DDX10: variants seen among roughly 807,000 people sequenced by gnomAD.
DDX10 encodes the protein DEAD-box helicase 10.
DDX10 carries 74 observed loss-of-function variants against 104.3 expected under a neutral mutation model. That is an observed-to-expected ratio of 0.71 (90% CI 0.59 to 0.86). The LOEUF (loss-of-function observed/expected upper bound fraction) is 0.86, where lower values mean the gene tolerates loss of function less well. Among genes scored for constraint, DDX10 ranks in the 40% least tolerant of loss-of-function variants. The pLI is 0.00. For synonymous variants in DDX10, 351 were observed against 353.4 expected (o/e 0.99, Z 0.08); for missense variants, 952 against 1,040.0 (o/e 0.92, Z 1.16).
At chr11:108,788,396 C>T (rs1226134641) in intron 13 of DDX10, among the ~76,000 whole-genome samples, 2 of 151,358 alleles carry the variant, frequency 1.3e-5, no homozygotes, top group African/African-American at 4.9e-5. Flanking sequence ...GAGTTTTGCT[C>T]TTGCTCCCTA....
At chr11:108,672,284 CCTT>C (rs1257364041) in intron 1 of DDX10, among the ~76,000 whole-genome samples, 2 of 152,212 alleles carry the variant, frequency 1.3e-5, no homozygotes, top group South Asian at 4.2e-4. Flanking sequence ...CAGCCTGCCT[CCTT>C]CTGTAGGCAT....
intron 13 of DDX10, among the ~76,000 whole-genome samples, chr11:108,829,994 G>A (rs2134585511): frequency 6.6e-6 from 1 of 152,284 alleles, no homozygotes; most frequent in Middle Eastern, 3.4e-3. Flanking sequence ...GTTGGATAAT[G>A]TGATGCCTCC....
intron 12 of DDX10, among the ~76,000 whole-genome samples, chr11:108,721,969 C>T (rs2094298906): frequency 6.6e-6 from 1 of 152,188 alleles, no homozygotes; most frequent in Non-Finnish European, 1.5e-5. Flanking sequence ...ATCAAGTTCT[C>T]ATTAGTTCCC....
At chr11:108,829,760 A>G (rs1862443997) in intron 13 of DDX10, among the ~76,000 whole-genome samples, 1 of 152,184 alleles carries the variant, frequency 6.6e-6, no homozygotes. Flanking sequence ...ATTTTTGTGT[A>G]AGGTGAGAGA....
At chr11:108,799,625 C>G (rs1427880019) in intron 13 of DDX10, among the ~76,000 whole-genome samples, 1 of 152,166 alleles carries the variant, frequency 6.6e-6, no homozygotes, top group African/African-American at 2.4e-5. Context: ...TGTTCATTTT[C>G]TTGCAGACTT....
intron 13 of DDX10, among the ~76,000 whole-genome samples, chr11:108,800,285 A>G (rs1426551258): frequency 1.3e-5 from 2 of 150,264 alleles, no homozygotes; most frequent in Non-Finnish European, 3.0e-5. Flanking sequence ...CAAAAAAAAA[A>G]AAAAAAAAAA....
intron 10 of DDX10, among the ~76,000 whole-genome samples, chr11:108,712,500 A>G (rs2094285752): frequency 2.0e-5 from 3 of 151,782 alleles, no homozygotes; most frequent in African/African-American, 7.3e-5. Context: ...TTTGCAAGTA[A>G]TCCAAAGCCC....
In DDX10 at chr11:108,912,598, C is replaced by A. The variant is rs574640379; in HGVS notation, c.2305-5275C>A. Among the ~76,000 whole-genome samples, 3 of 152,312 alleles carry A rather than the reference C, an allele frequency of 2.0e-5. No homozygotes were observed. In the South Asian group the frequency reaches 6.2e-4, roughly 32 times the overall value. On this transcript the variant is annotated intron_variant, in intron 16 of 17. Coordinates refer to ENST00000322536, the MANE Select transcript of DDX10 (RefSeq NM_004398.4). The stretch of plus-strand genomic sequence containing the variant: ...TGAGTTTCCAGCCATGGTGTCCTAA[C>A]ACACTGACATAACTGGGAACGGTGT...
At chr11:108,707,754 T>C (rs1025039507) in intron 10 of DDX10, among the ~76,000 whole-genome samples, 2 of 152,182 alleles carry the variant, frequency 1.3e-5, no homozygotes, top group Non-Finnish European at 2.9e-5. Context: ...TTTCATTCCC[T>C]TAATAAAAAT....
intron 13 of DDX10, among the ~76,000 whole-genome samples, chr11:108,762,242 A>G (rs1246791853): frequency 6.6e-6 from 1 of 152,176 alleles, no homozygotes; most frequent in African/African-American, 2.4e-5. Context: ...TGAGGCAGAA[A>G]TAGATAAGCG....
chr11:108,920,572 A>C (rs1863810347), intron 17 of DDX10: 1 of 152,206 alleles, frequency 6.6e-6, no homozygotes, highest in African/African-American at 2.4e-5. Context: ...GGCTAAAATA[A>C]CTTGTCTGTG....
intron 13 of DDX10, among the ~76,000 whole-genome samples, chr11:108,831,667 A>G (rs1862473420): frequency 6.6e-6 from 1 of 151,958 alleles, no homozygotes; most frequent in Non-Finnish European, 1.5e-5. Context: ...TTTTCCTGTG[A>G]TTTTTGCTTT....
At chr11:108,714,740 C>T (rs1285221879) in intron 10 of DDX10, among the ~76,000 whole-genome samples, 2 of 142,334 alleles carry the variant, frequency 1.4e-5, no homozygotes, top group Non-Finnish European at 2.9e-5. Context: ...TGGGATCCAT[C>T]AGAATCTTAC....
At position 108,710,199 on chromosome 11, in the gene DDX10, GA is replaced by G. The variant is rs142670247; in HGVS notation, c.1322+3364del. Among the ~76,000 whole-genome samples the G allele has an allele frequency of 9.8e-3, 1,488 of 152,306 alleles. 19 individuals are homozygous for G. Among genetic ancestry groups the G allele is most frequent in the African/African-American group, 0.034 (1,426 of 41,550 alleles). The stretch of plus-strand genomic sequence containing the variant: ...GTGTCAGTGAGTGGTGCATGAATGT[GA>G]AGAGTTAGCACATTACTGTATACAA... On this transcript the variant is annotated intron_variant, in intron 10 of 17. Coordinates refer to ENST00000322536, the MANE Select transcript of DDX10 (RefSeq NM_004398.4).
chr11:108,898,275 C>T (rs536776908), intron 16 of DDX10, among the ~76,000 whole-genome samples: 10 of 152,104 alleles, frequency 6.6e-5, no homozygotes, highest in African/African-American at 9.6e-5. Context: ...GACAAAAGCC[C>T]GCTATGGATG....
At chr11:108,939,199 C>T (rs1565324790) in intron 17 of DDX10, among the ~76,000 whole-genome samples, 1 of 152,124 alleles carries the variant, frequency 6.6e-6, no homozygotes, top group Non-Finnish European at 1.5e-5. Context: ...GATGTCAAAC[C>T]AGTGCTCTTT....
chr11:108,851,975 C>T (rs1402121568), intron 15 of DDX10, among the ~76,000 whole-genome samples, 178 bp from the exon 16 acceptor site: 1 of 152,192 alleles, frequency 6.6e-6, no homozygotes, highest in African/African-American at 2.4e-5. Context: ...ATCTGTCTGA[C>T]ACATTCTTAA....
chr11:108,708,506 GTAAATGGTAT>G lies in DDX10; in HGVS notation c.1322+1671_1322+1680del, dbSNP rs1465681233. On this transcript the variant is annotated intron_variant, in intron 10 of 17. Coordinates refer to ENST00000322536, the MANE Select transcript of DDX10 (RefSeq NM_004398.4). ...TTTCATTTTTGGGAGTGCTAATAATGTAAATGGTATTGTTTTTAGTTTCAAATTCCATTTA... is the reference window on the plus strand; with the variant it reads ...TTTCATTTTTGGGAGTGCTAATAATGTGTTTTTAGTTTCAAATTCCATTTA... Among the ~76,000 whole-genome samples, 4 of 151,536 alleles carry G rather than the reference GTAAATGGTAT, an allele frequency of 2.6e-5. No homozygotes were observed. In the East Asian group the frequency reaches 7.7e-4, roughly 29 times the overall value.
At chr11:108,892,315 C>G (rs1213198491) in intron 16 of DDX10, among the ~76,000 whole-genome samples, 1 of 152,156 alleles carries the variant, frequency 6.6e-6, no homozygotes, top group Non-Finnish European at 1.5e-5. Context: ...CATGTAATCT[C>G]TGCACAAGCT....
Sources: gnomAD v4.1 joint callset for allele counts (sites outside exome capture counted in the v4.1 genomes callset) on GRCh38, gnomAD v4.1.1 for gene constraint, MANE v1.5 for transcripts, NCBI Gene and HGNC (gene_info 2026-07-23, HGNC 2026-07-21) for gene names.